Variants in RANBP2 observed in about 807,000 individuals in gnomAD.
The protein encoded by RANBP2 is RAN binding protein 2, also known as E3 SUMO-protein ligase RanBP2.
RANBP2 carries 57 observed loss-of-function variants against 303.6 expected under a neutral mutation model. That is an observed-to-expected ratio of 0.19 (90% CI 0.15 to 0.23). The LOEUF (loss-of-function observed/expected upper bound fraction) is 0.23, where lower values mean the gene tolerates loss of function less well. Among genes scored for constraint, RANBP2 ranks in the 10% least tolerant of loss-of-function variants. The pLI is 1.00. For synonymous variants in RANBP2, 1,167 were observed against 1,301.5 expected, an observed-to-expected ratio of 0.90 and a Z score of 2.23; for missense variants, 3,138 against 3,780.8, an observed-to-expected ratio of 0.83 and a Z score of 4.46.
At chr2:109,073,383 G>A in the RANBP2 span, among the ~76,000 whole-genome samples, 1 of 152,080 alleles carries the variant, frequency 6.6e-6, no homozygotes, top group Non-Finnish European at 1.5e-5. Flanking sequence ...AAAAAAGAAT[G>A]AAGGGCCAGG....
the RANBP2 span, among the ~76,000 whole-genome samples, chr2:109,242,976 C>T: frequency 6.6e-5 from 10 of 152,316 alleles, no homozygotes; most frequent in South Asian, 4.1e-4. Context: ...GTCGGACTTC[C>T]GTGACTCATG....
chr2:109,235,108 G>T, the RANBP2 span, among the ~76,000 whole-genome samples: 17 of 152,218 alleles, frequency 1.1e-4, no homozygotes, highest in African/African-American at 3.6e-4. Context: ...GCAATAAGCA[G>T]TACGGTTTTA....
chr2:109,078,274 A>ATAGCG, the RANBP2 span, among the ~76,000 whole-genome samples: 1 of 49,148 alleles, frequency 2.0e-5, no homozygotes, highest in Non-Finnish European at 4.4e-5. Context: ...GCGCGTATAT[A>ATAGCG]TATATATATA....
At chr2:109,674,699 A>T in the RANBP2 span, among the ~76,000 whole-genome samples, 1 of 152,238 alleles carries the variant, frequency 6.6e-6, no homozygotes, top group Non-Finnish European at 1.5e-5. Flanking sequence ...ATGTGTTTCA[A>T]TTACAGGCAG....
the RANBP2 span, among the ~76,000 whole-genome samples, chr2:109,511,604 G>A: frequency 1.3e-5 from 2 of 152,206 alleles, no homozygotes; most frequent in Admixed American, 6.5e-5. Context: ...GTGGGAGCCT[G>A]CAGGGAGGAA....
At chr2:109,495,888 C>T in the RANBP2 span, among the ~76,000 whole-genome samples, 1 of 151,366 alleles carries the variant, frequency 6.6e-6, no homozygotes, top group Non-Finnish European at 1.5e-5. Flanking sequence ...TAGATTAACA[C>T]CAGAAAAAGT....
the RANBP2 span, among the ~76,000 whole-genome samples, chr2:108,844,715 C>G: frequency 6.7e-6 from 1 of 150,084 alleles, no homozygotes; most frequent in Non-Finnish European, 1.5e-5. Context: ...AGTTTTTTCT[C>G]TTTTCCTTCA....
the RANBP2 span, among the ~76,000 whole-genome samples, chr2:109,326,944 G>C: frequency 1.3e-5 from 2 of 152,160 alleles, no homozygotes. Context: ...TTCAACTGCT[G>C]GGTTATTGAC....
At chr2:109,200,753 C>T in the RANBP2 span, among the ~76,000 whole-genome samples, 1 of 152,332 alleles carries the variant, frequency 6.6e-6, no homozygotes, top group East Asian at 1.9e-4. Context: ...ACCCCTCATG[C>T]CCACTCCATG....
chr2:109,314,042 A>T, the RANBP2 span, among the ~76,000 whole-genome samples: 1 of 152,096 alleles, frequency 6.6e-6, no homozygotes, highest in Non-Finnish European at 1.5e-5. Flanking sequence ...TGAGAAAAGG[A>T]AGAGGCTATG....
the RANBP2 span, among the ~76,000 whole-genome samples, chr2:109,105,015 T>A: frequency 4.0e-5 from 6 of 151,834 alleles, no homozygotes; most frequent in African/African-American, 1.5e-4. Flanking sequence ...CAGGAGAGGG[T>A]CCCCCCAACC....
chr2:109,763,568 CAA>C, the RANBP2 span, among the ~76,000 whole-genome samples: 11 of 149,600 alleles, frequency 7.4e-5, no homozygotes, highest in Non-Finnish European at 1.5e-4. Context: ...ACTAAAATAA[CAA>C]AGAGAGAGAG....
At chr2:109,241,216 G>A in the RANBP2 span, among the ~76,000 whole-genome samples, 1 of 149,948 alleles carries the variant, frequency 6.7e-6, no homozygotes, top group African/African-American at 2.5e-5. Flanking sequence ...TGAAAAAGCA[G>A]TTTGTTTGTC....
At chr2:108,732,382 A>G (rs972340100) in intron 4 of RANBP2, among the ~76,000 whole-genome samples, 2 of 152,126 alleles carry the variant, frequency 1.3e-5, no homozygotes, top group African/African-American at 4.8e-5. Context: ...GCTCAAAGGA[A>G]ATGCTCATTG....
the RANBP2 span, among the ~76,000 whole-genome samples, chr2:108,864,337 T>C: frequency 6.6e-6 from 1 of 152,202 alleles, no homozygotes; most frequent in South Asian, 2.1e-4. Flanking sequence ...AAGGAATTAT[T>C]TTTAACAAAA....
the RANBP2 span, chr2:109,398,901 G>T: frequency 6.2e-7 from 1 of 1,613,594 alleles, no homozygotes; most frequent in Admixed American, 1.7e-5. Flanking sequence ...CCGCGGCCAG[G>T]ATTGGAGACC....
chr2:109,441,403 C>G, the RANBP2 span, among the ~76,000 whole-genome samples: 1 of 151,822 alleles, frequency 6.6e-6, no homozygotes, highest in African/African-American at 2.4e-5. Flanking sequence ...TGTGTGAGAT[C>G]AAGAATATAC....
At chr2:109,669,811 C>T in the RANBP2 span, among the ~76,000 whole-genome samples, 4 of 152,280 alleles carry the variant, frequency 2.6e-5, no homozygotes, top group Admixed American at 2.0e-4. Flanking sequence ...GTGCACCCAA[C>T]CTGCTCCCCG....
At chr2:109,607,149 CTTAT>C in the RANBP2 span, among the ~76,000 whole-genome samples, 13 of 152,244 alleles carry the variant, frequency 8.5e-5, no homozygotes, top group South Asian at 6.2e-4. Flanking sequence ...TTTCATTCTA[CTTAT>C]TTAAAGGTAG....
Sources: gnomAD v4.1 joint callset for allele counts (sites outside exome capture counted in the v4.1 genomes callset) on GRCh38, gnomAD v4.1.1 for gene constraint, MANE v1.5 for transcripts, NCBI Gene and HGNC (gene_info 2026-07-23, HGNC 2026-07-21) for gene names.